Variants in DPYD observed in about 807,000 individuals in gnomAD.
DPYD encodes the protein dihydropyrimidine dehydrogenase.
A neutral mutation model predicts 116.2 loss-of-function variants in DPYD; 109 were observed. The ratio of observed to expected loss-of-function variants is 0.94; its 90% CI spans 0.80 to 1.10. The LOEUF is 1.10. Ranked by LOEUF, DPYD falls within the 50% of genes least tolerant of loss-of-function variation. The pLI is 0.00. For missense variants in DPYD, 1,302 were observed against 1,254.5 expected, an observed-to-expected ratio of 1.04 and a Z score of -0.57; for synonymous variants, 440 against 432.0, an observed-to-expected ratio of 1.02 and a Z score of -0.23.
At chr1:97,775,932 T>C (rs559984857) in intron 3 of DPYD, among the ~76,000 whole-genome samples, 1 of 152,286 alleles carries the variant, frequency 6.6e-6, no homozygotes, top group African/African-American at 2.4e-5. Flanking sequence ...ATGTGTTTCA[T>C]TTTCTGTTAA....
Position 97,567,370 on chromosome 1 carries a change from A to G in DPYD, c.1339+6390T>C, listed in dbSNP as rs989360703. The stretch of plus-strand genomic sequence containing the variant: ...TCCCTTATGGAACTAACTGCAATCA[A>G]TGTTATCAAGGGAGCTGATTTCTGA... On this transcript the variant is annotated intron_variant, in intron 11 of 22. Coordinates refer to ENST00000370192, the MANE Select transcript of DPYD (RefSeq NM_000110.4). Among the ~76,000 whole-genome samples the G allele has an allele frequency of 7.2e-5, 11 of 152,048 alleles. No individual in the cohort carries two copies. In the East Asian group the frequency reaches 7.7e-4, roughly 11 times the overall value.
chr1:97,802,689 T>C (rs867712077), intron 3 of DPYD, among the ~76,000 whole-genome samples: 8 of 151,914 alleles, frequency 5.3e-5, no homozygotes, highest in African/African-American at 9.7e-5. Flanking sequence ...CTCCCACTTA[T>C]CCTTCTTGCC....
chr1:97,087,690 T>C (rs1412336697), intron 21 of DPYD, among the ~76,000 whole-genome samples: 1 of 152,214 alleles, frequency 6.6e-6, no homozygotes, highest in Non-Finnish European at 1.5e-5. Flanking sequence ...AAAGTGGTAA[T>C]GTCTTGCAAG....
chr1:97,594,249 CTG>C (rs1353259140), intron 9 of DPYD, among the ~76,000 whole-genome samples: 1 of 152,148 alleles, frequency 6.6e-6, no homozygotes, highest in Non-Finnish European at 1.5e-5. Flanking sequence ...TTGGGACACT[CTG>C]TAATTTTCAA....
rs1186836058 is a variant in DPYD at position 97,150,269 on chromosome 1, A to AG, written c.2622+42799_2622+42800insC. 2.4e-4 allele frequency among the ~76,000 whole-genome samples: 27 copies of AG among 111,786 alleles called. No homozygotes were observed. In the South Asian group the frequency reaches 7.3e-3, roughly 30 times the overall value. The allele number at this position is 111,786 out of a possible 152,430, so 73.3% of individuals were successfully genotyped here. A position where few individuals can be genotyped will look rare whatever the true frequency, so the allele number is the denominator to read the frequency against. On this transcript the variant is annotated intron_variant, in intron 20 of 22. Coordinates refer to ENST00000370192, the MANE Select transcript of DPYD (RefSeq NM_000110.4). Reference sequence around the variant, plus strand: ...AATGTTTAGTACACACTGTATCTTAAAAAAAAAAAACTAAAATAGTTTCTG... The same window carrying AG: ...AATGTTTAGTACACACTGTATCTTAAGAAAAAAAAAACTAAAATAGTTTCTG...
intron 8 of DPYD, among the ~76,000 whole-genome samples, chr1:97,644,408 A>G (rs1658125369): frequency 6.6e-6 from 1 of 152,008 alleles, no homozygotes; most frequent in African/African-American, 2.4e-5. Context: ...GTAATACATT[A>G]TAAAGTGAAT....
chr1:97,427,609 G>A (rs745714066), intron 14 of DPYD, among the ~76,000 whole-genome samples: 1 of 151,548 alleles, frequency 6.6e-6, no homozygotes, highest in Non-Finnish European at 1.5e-5. Flanking sequence ...TCCTCTTTCG[G>A]TCTTGTGTTC....
rs4950020 is a variant in DPYD, at chr1:97,121,327, C to T, written c.2623-22695G>A. On this transcript the variant is annotated intron_variant, in intron 20 of 22. Transcript: ENST00000370192. ...CATTAAAATTCTTCCCTGCCTCCTG[C>T]CACTCATTGGCCTTCACTATATCCC... Among the ~76,000 whole-genome samples the T allele has an allele frequency of 1.8e-3, 277 of 152,310 alleles. 1 individual carries two copies. The highest frequency in any genetic ancestry group is 6.3e-3 in the African/African-American group (260 of 41,576).
intron 18 of DPYD, among the ~76,000 whole-genome samples, chr1:97,278,723 T>C (rs756453625): frequency 6.6e-6 from 1 of 152,214 alleles, no homozygotes; most frequent in Non-Finnish European, 1.5e-5. Context: ...TTTTCTGTTA[T>C]GTAGTAATGA....
chr1:97,082,639 G>C (rs1484725753), intron 21 of DPYD, among the ~76,000 whole-genome samples, 169 bp from the exon 22 acceptor site: 1 of 152,106 alleles, frequency 6.6e-6, no homozygotes, highest in Admixed American at 6.6e-5. Flanking sequence ...TTATAGCTTA[G>C]ATGTTTGTCT....
At chr1:97,619,239 GC>G (rs1656487652) in intron 8 of DPYD, among the ~76,000 whole-genome samples, 1 of 152,072 alleles carries the variant, frequency 6.6e-6, no homozygotes, top group Non-Finnish European at 1.5e-5. Flanking sequence ...TTTTAGGATT[GC>G]TAGAGATGCC....
At chr1:97,609,561 GCTCAT>G (rs540557620) in intron 8 of DPYD, among the ~76,000 whole-genome samples, 2 of 151,900 alleles carry the variant, frequency 1.3e-5, no homozygotes, top group Non-Finnish European at 2.9e-5. Flanking sequence ...GTATCCTTAT[GCTCAT>G]TTACAGATGA....
rs182452949 is a variant in DPYD, at chr1:97,423,367, T to C, written c.1905+26692A>G. Among the ~76,000 whole-genome samples, 17 of 152,144 alleles carry C rather than the reference T, an allele frequency of 1.1e-4. No homozygotes were observed. In the East Asian group the frequency reaches 3.1e-3, roughly 28 times the overall value. ...GGCCAAGTGGAAAGAGGGGTGTGAT[T>C]ATGGCTAAGTGGGGTAGGTGGAAGG... On this transcript the variant is annotated intron_variant, in intron 14 of 22. Transcript: ENST00000370192.
intron 4 of DPYD, among the ~76,000 whole-genome samples, chr1:97,736,270 G>A (rs1310647492): frequency 1.3e-5 from 2 of 151,756 alleles, no homozygotes; most frequent in African/African-American, 4.8e-5. Flanking sequence ...CCCCAAAATG[G>A]TAAGTTCTAT....
At chr1:97,835,472 T>C (rs1335680786) in intron 2 of DPYD, among the ~76,000 whole-genome samples, 1 of 152,100 alleles carries the variant, frequency 6.6e-6, no homozygotes, top group African/African-American at 2.4e-5. Flanking sequence ...TATTTTAAGA[T>C]TTCATCTCTC....
chr1:97,205,615 T>C (rs1659536560), intron 19 of DPYD, among the ~76,000 whole-genome samples: 1 of 152,132 alleles, frequency 6.6e-6, no homozygotes, highest in African/African-American at 2.4e-5. Flanking sequence ...GTTAATAAAA[T>C]AAATAATTCC....
At chr1:97,815,263 G>T (rs540732188) in intron 3 of DPYD, among the ~76,000 whole-genome samples, 1 of 152,264 alleles carries the variant, frequency 6.6e-6, no homozygotes, top group African/African-American at 2.4e-5. Flanking sequence ...AAGTAGAGAT[G>T]AAAGTATGGC....
At chr1:97,347,827 A>T (rs948038951) in intron 16 of DPYD, among the ~76,000 whole-genome samples, 2 of 152,094 alleles carry the variant, frequency 1.3e-5, no homozygotes, top group Non-Finnish European at 2.9e-5. Flanking sequence ...CACAATAAAC[A>T]TTCTCAGTAT....
chr1:97,705,544 T>G (rs537941745), intron 5 of DPYD, among the ~76,000 whole-genome samples: 8 of 152,092 alleles, frequency 5.3e-5, no homozygotes, highest in Non-Finnish European at 1.5e-5. Context: ...TGTTGGACAT[T>G]TGGGTTGGTT....
Sources: allele counts gnomAD v4.1 joint callset (sites outside exome capture counted in the v4.1 genomes callset), GRCh38; gene constraint gnomAD v4.1.1; transcripts MANE v1.5; gene names NCBI Gene and HGNC (gene_info 2026-07-23, HGNC 2026-07-21).